The following KAZN variants were observed in gnomAD, a reference collection of about 807,000 sequenced individuals.
The protein encoded by KAZN is kazrin, periplakin interacting protein.
In KAZN, 40 loss-of-function variants were observed where a neutral mutation model predicts 87.4. The ratio of observed to expected loss-of-function variants is 0.46; its 90% CI spans 0.36 to 0.60. KAZN has a LOEUF of 0.60. Ranked by LOEUF, KAZN falls within the 20% of genes least tolerant of loss-of-function variation. The pLI, the probability that KAZN is intolerant of heterozygous loss-of-function variation, is 0.00. For missense variants in KAZN, 898 were observed against 1,073.9 expected, an observed-to-expected ratio of 0.84 and a Z score of 2.29; for synonymous variants, 466 against 458.3, an observed-to-expected ratio of 1.02 and a Z score of -0.22.
chr1:13,900,961 C>A (rs2100838015), intron 1 of KAZN, among the ~76,000 whole-genome samples: 1 of 151,620 alleles, frequency 6.6e-6, no homozygotes, highest in East Asian at 1.9e-4. Flanking sequence ...AGTTTAATAA[C>A]ACTAGGATTA....
chr1:14,063,031 C>T (rs1642858057), intron 1 of KAZN, among the ~76,000 whole-genome samples: 1 of 152,160 alleles, frequency 6.6e-6, no homozygotes, highest in Non-Finnish European at 1.5e-5. Context: ...TATTTTACAT[C>T]GTTGTTATTA....
intron 1 of KAZN, among the ~76,000 whole-genome samples, chr1:14,600,266 CA>C (rs1485934121): frequency 6.6e-6 from 1 of 152,100 alleles, no homozygotes; most frequent in African/African-American, 2.4e-5. Context: ...TGCAAGGTAC[CA>C]ATTGCTCAGT....
At chr1:14,387,483 GGGT>G (rs1216080248) in intron 2 of KAZN, among the ~76,000 whole-genome samples, 9 of 151,910 alleles carry the variant, frequency 5.9e-5, no homozygotes, top group African/African-American at 2.2e-4. Flanking sequence ...ATGTACAGAT[GGGT>G]TTTTGGTGTG....
At chr1:14,670,497 T>C (rs1039446101) in intron 1 of KAZN, among the ~76,000 whole-genome samples, 1 of 152,118 alleles carries the variant, frequency 6.6e-6, no homozygotes, top group African/African-American at 2.4e-5. Flanking sequence ...ACTCAAGGAT[T>C]CTCAAATGAT....
At chr1:14,114,239 C>T (rs200680833) in intron 1 of KAZN, among the ~76,000 whole-genome samples, 2 of 152,252 alleles carry the variant, frequency 1.3e-5, no homozygotes, top group East Asian at 3.9e-4. Context: ...CAGACAAGTG[C>T]ATGTGGGTGA....
chr1:14,212,615 C>T (rs892527585), intron 2 of KAZN, among the ~76,000 whole-genome samples: 2 of 151,966 alleles, frequency 1.3e-5, no homozygotes, highest in East Asian at 3.9e-4. Context: ...TTGCAATATC[C>T]CAGCTGCCAG....
At chr1:14,745,042 G>T (rs987050406) in intron 1 of KAZN, among the ~76,000 whole-genome samples, 1 of 152,092 alleles carries the variant, frequency 6.6e-6, no homozygotes, top group Non-Finnish European at 1.5e-5. Context: ...AGTGGCAGGA[G>T]ATGATATAGA....
intron 1 of KAZN, among the ~76,000 whole-genome samples, chr1:14,933,335 C>T (rs1167181903): frequency 2.0e-5 from 3 of 152,146 alleles, no homozygotes; most frequent in Non-Finnish European, 2.9e-5. Context: ...TCAGGTGAGC[C>T]GCCTGCCTCG....
Position 14,837,276 on chromosome 1 carries a change from G to A in KAZN, c.227-123408G>A, listed in dbSNP as rs576987228. Among the ~76,000 whole-genome samples, 233 of 152,192 alleles carry A rather than the reference G, an allele frequency of 1.5e-3. 1 individual carries two copies. Among genetic ancestry groups the A allele is most frequent in the Non-Finnish European group, 2.4e-3 (161 of 68,016 alleles). ...TGCAATAGTGCGGTCTTGGCTCACC[G>A]CAACCTCCGCTTCCCAGGTTCAAGT... On this transcript the variant is annotated intron_variant, in intron 1 of 14. Transcript: ENST00000376030.
At chr1:13,985,612 C>T (rs569525054) in intron 1 of KAZN, among the ~76,000 whole-genome samples, 6 of 150,584 alleles carry the variant, frequency 4.0e-5, no homozygotes, top group South Asian at 4.2e-4. Context: ...TGCTAGATGA[C>T]GAATTTTAGG....
At chr1:14,103,452 A>C (rs6693357) in intron 1 of KAZN, among the ~76,000 whole-genome samples, 2,870 of 152,324 alleles carry the variant, frequency 0.019, 85 homozygotes, top group South Asian at 0.067. Flanking sequence ...ACAGAAACTT[A>C]TTATCTTACA....
chr1:13,905,581 T>A (rs1639407042), intron 1 of KAZN, among the ~76,000 whole-genome samples: 1 of 152,196 alleles, frequency 6.6e-6, no homozygotes, highest in African/African-American at 2.4e-5. Context: ...CCCTCTAAGA[T>A]AGCTGGTGTG....
chr1:14,457,067 G>A (rs1320544855), intron 2 of KAZN, among the ~76,000 whole-genome samples: 4 of 152,140 alleles, frequency 2.6e-5, no homozygotes, highest in South Asian at 2.1e-4. Context: ...GTGACAGAGC[G>A]AGACTCTATC....
chr1:13,941,010 C>T (rs113564614), intron 1 of KAZN, among the ~76,000 whole-genome samples: 5,178 of 152,112 alleles, frequency 0.034, 376 homozygotes, highest in East Asian at 0.32. Context: ...GCTTGGCCAA[C>T]ATGGTGAAAC....
Position 14,685,318 on chromosome 1 carries a change from T to TC in KAZN, c.226+86098dup, listed in dbSNP as rs547950554. On this transcript the variant is annotated intron_variant, in intron 1 of 14. Transcript: ENST00000376030. ...GGAGCTGGGGTATTTATACACCAAT[T>TC]CCCATCAGTCGTTGGTATGGGAACT... Among the ~76,000 whole-genome samples, 311 of 152,326 alleles carry TC rather than the reference T, an allele frequency of 2.0e-3. 2 individuals carry two copies. The highest frequency in any genetic ancestry group is 7.0e-3 in the African/African-American group (292 of 41,576).
At position 14,615,771 on chromosome 1, in the gene KAZN, T is replaced by C. The variant is rs575528398; in HGVS notation, c.226+16548T>C. 8.6e-4 allele frequency among the ~76,000 whole-genome samples: 131 copies of C among 152,270 alleles called. 2 individuals carry two copies. The South Asian group carries it at 0.027, about 31-fold the overall frequency. On this transcript the variant is annotated intron_variant, in intron 1 of 14. Coordinates refer to ENST00000376030, the MANE Select transcript of KAZN (RefSeq NM_201628.3). ...GCAAGAGGCATCCCGGGAAGTGGCGTAGGAACTGAGACACTGGTTCAGTCA... is the reference window on the plus strand; with the variant it reads ...GCAAGAGGCATCCCGGGAAGTGGCGCAGGAACTGAGACACTGGTTCAGTCA...
chr1:14,858,724 G>C (rs557191607), intron 1 of KAZN, among the ~76,000 whole-genome samples: 62 of 152,182 alleles, frequency 4.1e-4, no homozygotes, highest in Non-Finnish European at 7.2e-4. Flanking sequence ...TACAAATTTA[G>C]AGGCAGGTCG....
At chr1:14,004,250 A>T (rs909257075) in intron 1 of KAZN, among the ~76,000 whole-genome samples, 2 of 152,248 alleles carry the variant, frequency 1.3e-5, no homozygotes, top group South Asian at 4.1e-4. Flanking sequence ...TGGCACAACC[A>T]AAACAATCAT....
intron 2 of KAZN, among the ~76,000 whole-genome samples, chr1:15,024,204 G>C (rs1019883899): frequency 6.6e-6 from 1 of 152,180 alleles, no homozygotes; most frequent in African/African-American, 2.4e-5. Context: ...AGGCAGAAAT[G>C]AGAGGAAACC....
Sources: allele counts gnomAD v4.1 joint callset (sites outside exome capture counted in the v4.1 genomes callset), GRCh38; gene constraint gnomAD v4.1.1; transcripts MANE v1.5; gene names NCBI Gene and HGNC (gene_info 2026-07-23, HGNC 2026-07-21).